RGL1: variants seen among roughly 807,000 people sequenced by gnomAD.
The protein encoded by RGL1 is ral guanine nucleotide dissociation stimulator like 1.
A neutral mutation model predicts 95.2 loss-of-function variants in RGL1; 24 were observed. That is an observed-to-expected ratio of 0.25 (90% CI 0.18 to 0.35). The LOEUF (loss-of-function observed/expected upper bound fraction) is 0.35, where lower values mean the gene tolerates loss of function less well. RGL1 is among the 10% of genes least tolerant of loss of function. The pLI is 1.00. For synonymous variants in RGL1, 329 were observed against 344.9 expected (o/e 0.95, Z 0.51); for missense variants, 715 against 936.3 (o/e 0.76, Z 3.08).
At chr1:183,664,539 C>T (rs1442266723) in intron 1 of RGL1, among the ~76,000 whole-genome samples, 1 of 150,986 alleles carries the variant, frequency 6.6e-6, no homozygotes, top group African/African-American at 2.4e-5. Context: ...AGATTTAAAC[C>T]CAGAGCACTC....
At chr1:183,689,950 A>G (rs1653845158) in intron 1 of RGL1, among the ~76,000 whole-genome samples, 1 of 152,226 alleles carries the variant, frequency 6.6e-6, no homozygotes, top group Admixed American at 6.5e-5. Flanking sequence ...ATTTACCTGT[A>G]TGAATCATCT....
rs6681332 is a variant in RGL1, at chr1:183,724,275, A to G, written c.-32-17851A>G. Among the ~76,000 whole-genome samples the G allele has an allele frequency of 0.18, 27,247 of 151,918 alleles. 3,369 individuals are homozygous for G. Among genetic ancestry groups the G allele is most frequent in the African/African-American group, 0.35 (14,484 of 41,400 alleles). ...TGAGGAGAGACTGTTTCTGCTTGAG[A>G]AAAGCAGAGGGAAGAGTAAAGGAGA... On this transcript the variant is annotated intron_variant, in intron 1 of 18. Transcript: ENST00000304685. The surrounding 1 kb of genome is among the most constrained non-coding windows in gnomAD (Gnocchi z 4.1).
At chr1:183,664,132 G>T (rs1426752694) in intron 1 of RGL1, among the ~76,000 whole-genome samples, 1 of 151,586 alleles carries the variant, frequency 6.6e-6, no homozygotes, top group Non-Finnish European at 1.5e-5. Flanking sequence ...GTTAATCGGT[G>T]CAGCACACCA....
At chr1:183,889,943 T>C (rs1667323184) in intron 8 of RGL1, among the ~76,000 whole-genome samples, 1 of 152,098 alleles carries the variant, frequency 6.6e-6, no homozygotes, top group Non-Finnish European at 1.5e-5. Flanking sequence ...TTGTGTGTAT[T>C]AAAGAGAGAT....
intron 1 of RGL1, among the ~76,000 whole-genome samples, chr1:183,660,600 A>T (rs1164731403): frequency 6.6e-6 from 1 of 151,488 alleles, no homozygotes; most frequent in East Asian, 1.9e-4. Flanking sequence ...CTCCCACACA[A>T]TAATAATGGG....
chr1:183,659,458 T>C (rs1651447352), intron 1 of RGL1, among the ~76,000 whole-genome samples: 1 of 151,896 alleles, frequency 6.6e-6, no homozygotes, highest in South Asian at 2.1e-4. Context: ...AGGGTATCAG[T>C]GATGGAAGAT....
intron 3 of RGL1, among the ~76,000 whole-genome samples, chr1:183,855,281 T>TC (rs955050002): frequency 6.6e-6 from 1 of 152,118 alleles, no homozygotes; most frequent in Non-Finnish European, 1.5e-5. Context: ...GAAAACCTTT[T>TC]CCCCCCGGGA....
At chr1:183,700,639 G>A (rs12130947) in intron 1 of RGL1, among the ~76,000 whole-genome samples, 71,305 of 149,786 alleles carry the variant, frequency 0.48, 17,535 homozygotes, top group East Asian at 0.76. Context: ...TCTGCCTCCC[G>A]GGTTCAAGTG....
chr1:183,838,523 G>A (rs1663819259), intron 2 of RGL1, among the ~76,000 whole-genome samples: 1 of 152,196 alleles, frequency 6.6e-6, no homozygotes, highest in African/African-American at 2.4e-5. Context: ...CTTCAAGCAA[G>A]GTCAACTCTT....
At chr1:183,752,707 T>C (rs931708633) in intron 2 of RGL1, among the ~76,000 whole-genome samples, 2 of 143,424 alleles carry the variant, frequency 1.4e-5, no homozygotes, top group Admixed American at 6.9e-5. Flanking sequence ...TCTCTCTCTT[T>C]CCCCTTTCCT....
chr1:183,805,186 C>G lies in RGL1; in HGVS notation c.-112C>G. Reference sequence around the variant, plus strand: ...GGCGCGTGTCTGTGCGCTGCGGTCGCTCGGGACCGGGACCGGGGCGAGGCG... The same window carrying G: ...GGCGCGTGTCTGTGCGCTGCGGTCGGTCGGGACCGGGACCGGGGCGAGGCG... On this transcript the variant is annotated 5_prime_UTR_variant, in exon 1 of 18. Coordinates refer to ENST00000360851, the MANE Select transcript of RGL1 (RefSeq NM_001297671.3). 1.4e-6 allele frequency: 2 copies of G among 1,433,018 alleles called. No individual in the cohort carries two copies. Among genetic ancestry groups the G allele is most frequent in the African/African-American group, 1.5e-5 (1 of 68,748 alleles). 88.8% of individuals were successfully genotyped at this position (1,433,018 alleles called of 1,614,324 possible).
chr1:183,856,228 G>A (rs547874497), intron 3 of RGL1, among the ~76,000 whole-genome samples: 1 of 151,950 alleles, frequency 6.6e-6, no homozygotes, highest in Admixed American at 6.6e-5. Flanking sequence ...CTAGGTCTGG[G>A]TGTTGATGAC....
chr1:183,771,430 G>A (rs2102330393), intron 2 of RGL1, among the ~76,000 whole-genome samples: 1 of 152,234 alleles, frequency 6.6e-6, no homozygotes, highest in East Asian at 1.9e-4. Flanking sequence ...CCCAAAATAT[G>A]TTCACTGTCT....
intron 2 of RGL1, among the ~76,000 whole-genome samples, chr1:183,811,406 G>T (rs998280013): frequency 2.0e-5 from 3 of 152,164 alleles, no homozygotes; most frequent in Non-Finnish European, 4.4e-5. Flanking sequence ...CCCTAGAGGA[G>T]CCTTTAGTTT....
intron 2 of RGL1, among the ~76,000 whole-genome samples, chr1:183,840,491 G>A (rs905716077): frequency 2.0e-5 from 3 of 152,016 alleles, no homozygotes; most frequent in Admixed American, 6.6e-5. Context: ...TTGGGATAGC[G>A]TTTTCATGAC....
At chr1:183,671,113 A>G (rs1343834131) in intron 1 of RGL1, among the ~76,000 whole-genome samples, 1 of 152,214 alleles carries the variant, frequency 6.6e-6, no homozygotes, top group Non-Finnish European at 1.5e-5. Flanking sequence ...TTATAAAACC[A>G]TCAGATCTTG....
At chr1:183,696,296 CCTGA>C in intron 1 of RGL1, among the ~76,000 whole-genome samples, 1 of 152,286 alleles carries the variant, frequency 6.6e-6, no homozygotes, top group African/African-American at 2.4e-5. Flanking sequence ...CCGTCATTGT[CCTGA>C]CTATCTCAAA....
chr1:183,732,016 CTTT>C (rs1343971719), intron 1 of RGL1, among the ~76,000 whole-genome samples: 13 of 152,240 alleles, frequency 8.5e-5, no homozygotes, highest in African/African-American at 3.1e-4. Context: ...CTACGTAAAA[CTTT>C]AGGGACTTCT....
intron 2 of RGL1, among the ~76,000 whole-genome samples, chr1:183,842,518 T>G (rs889529071): frequency 6.6e-6 from 1 of 152,188 alleles, no homozygotes; most frequent in African/African-American, 2.4e-5. Flanking sequence ...GGTAGGACAC[T>G]TGGGCACAGT....
Sources: allele counts gnomAD v4.1 joint callset (sites outside exome capture counted in the v4.1 genomes callset), GRCh38; gene constraint gnomAD v4.1.1; non-coding constraint Gnocchi (gnomAD v3.1); transcripts MANE v1.5; gene names NCBI Gene and HGNC (gene_info 2026-07-23, HGNC 2026-07-21).